IFT81: variants seen among roughly 807,000 people sequenced by gnomAD.
The protein encoded by IFT81 is intraflagellar transport 81.
Under a neutral mutation model 102.6 loss-of-function variants are expected in IFT81, and 72 were observed. The observed-to-expected ratio is 0.70, with a 90% CI of 0.58 to 0.85. The LOEUF (loss-of-function observed/expected upper bound fraction) is 0.85. IFT81 is among the 40% of genes least tolerant of loss of function. The probability of loss-of-function intolerance (pLI) is 0.00; values close to 1 mark genes in which losing one functional copy is unlikely to be tolerated. For missense variants in IFT81, 723 were observed against 787.3 expected (o/e 0.92, Z 0.98); for synonymous variants, 237 against 242.7 (o/e 0.98, Z 0.22).
chr12:110,147,671 A>G (rs1289733429), intron 10 of IFT81, among the ~76,000 whole-genome samples: 1 of 152,314 alleles, frequency 6.6e-6, no homozygotes, highest in East Asian at 1.9e-4. Flanking sequence ...ATTTTTTAAA[A>G]CCTTTATAAC....
intron 10 of IFT81, among the ~76,000 whole-genome samples, chr12:110,155,143 CTT>C (rs1447460152): frequency 6.6e-6 from 1 of 152,112 alleles, no homozygotes; most frequent in Non-Finnish European, 1.5e-5. Flanking sequence ...CTCTTGTACT[CTT>C]TGAAAATTTA....
chr12:110,129,684 G>A (rs1454781556), intron 4 of IFT81, among the ~76,000 whole-genome samples: 1 of 152,102 alleles, frequency 6.6e-6, no homozygotes, highest in East Asian at 1.9e-4. Context: ...CCAAGGTTTT[G>A]GAGTAACATT....
At chr12:110,128,611 G>A (rs551886210) in intron 3 of IFT81, among the ~76,000 whole-genome samples, 2 of 151,494 alleles carry the variant, frequency 1.3e-5, no homozygotes, top group South Asian at 2.1e-4. Context: ...GCAACATGGC[G>A]AAACGCTGCC....
At chr12:110,190,813 A>T in intron 12 of IFT81, 107 bp from the exon 13 acceptor site, 1 of 988,516 alleles carries the variant, frequency 1.0e-6, no homozygotes, top group Non-Finnish European at 1.4e-6. Flanking sequence ...ATTCTAAACT[A>T]ATTAATTCTA....
chr12:110,201,863 G>T (rs1346764072), intron 14 of IFT81, among the ~76,000 whole-genome samples: 1 of 152,092 alleles, frequency 6.6e-6, no homozygotes, highest in Non-Finnish European at 1.5e-5. Flanking sequence ...CCACTGAAAG[G>T]TCTTCAAGAG....
At chr12:110,189,713 ATT>A (rs932071009) in intron 12 of IFT81, among the ~76,000 whole-genome samples, 3 of 152,156 alleles carry the variant, frequency 2.0e-5, no homozygotes, top group Admixed American at 2.0e-4. Context: ...TATATTTCAA[ATT>A]TTTAACATGT....
At position 110,136,806 on chromosome 12, in the gene IFT81, G is replaced by A. The variant is rs1308895390; in HGVS notation, c.727G>A (p.Val243Ile). ...LFHAVQRLQR[V>I]QNQLKSMRQA... is the part of the protein sequence containing the mutation. ...TCATGCAGTGCAAAGATTGCAAAGAGTACAAAACCAGCTGAAAAGCATGCG... is the reference window on the plus strand; with the variant it reads ...TCATGCAGTGCAAAGATTGCAAAGAATACAAAACCAGCTGAAAAGCATGCG... Residue 243 changes from valine (V) to isoleucine (I), a missense_variant, in exon 8 of 19, where the codon GTA (valine) becomes ATA (isoleucine). Physicochemically the swap from Val to Ile is conservative, Grantham distance 29 (BLOSUM62 3). Transcript: ENST00000242591. The A allele has an allele frequency of 6.2e-7, 1 of 1,612,798 alleles. No homozygotes were observed. The highest frequency in any genetic ancestry group is 8.5e-7 in the Non-Finnish European group (1 of 1,179,078).
chr12:110,147,322 A>G (rs1299666122), intron 10 of IFT81, among the ~76,000 whole-genome samples: 1 of 152,198 alleles, frequency 6.6e-6, no homozygotes, highest in Non-Finnish European at 1.5e-5. Flanking sequence ...TGACTGTGGA[A>G]TTTATTTTTA....
intron 11 of IFT81, among the ~76,000 whole-genome samples, chr12:110,171,635 G>C (rs1896734377): frequency 6.6e-6 from 1 of 152,158 alleles, no homozygotes; most frequent in African/African-American, 2.4e-5. Context: ...TATTTATGTG[G>C]GACTAGTTAT....
chr12:110,137,460 G>A (rs551801336), intron 8 of IFT81, among the ~76,000 whole-genome samples: 19 of 152,034 alleles, frequency 1.2e-4, no homozygotes, highest in Non-Finnish European at 2.5e-4. Context: ...ATGGCTGGGC[G>A]TGGTAGCTCA....
chr12:110,172,294 C>A (rs1003322735), intron 11 of IFT81, among the ~76,000 whole-genome samples: 3 of 151,762 alleles, frequency 2.0e-5, no homozygotes, highest in Non-Finnish European at 4.4e-5. Flanking sequence ...GCCTCTGCCT[C>A]TGCCTCTGCC....
At position 110,167,495 on chromosome 12, in the gene IFT81, T is replaced by C. The variant is rs115032797; in HGVS notation, c.1188+4430T>C. 5.6e-3 allele frequency among the ~76,000 whole-genome samples: 849 copies of C among 152,322 alleles called. 12 individuals carry two copies. The highest frequency in any genetic ancestry group is 0.02 in the African/African-American group (820 of 41,582). On this transcript the variant is annotated intron_variant, in intron 11 of 18. Transcript: ENST00000242591. ...TAAATGACTACATTTAGTTTAGAGA[T>C]TACACCCTGCTAACATAACTGAAAA... is the stretch of plus-strand genomic sequence containing the variant.
chr12:110,185,819 C>G (rs763154428), intron 12 of IFT81, among the ~76,000 whole-genome samples: 1 of 151,860 alleles, frequency 6.6e-6, no homozygotes, highest in African/African-American at 2.4e-5. Context: ...AGGCTGGCCT[C>G]AAACTCAGGG....
At position 110,169,806 on chromosome 12, in the gene IFT81, G is replaced by A. The variant is rs532272267; in HGVS notation, c.1188+6741G>A. ...TTGAACTCCTGACCTCAAGTGATCC[G>A]CCCACCTCGGCTTCCCAAAGTGCTG... On this transcript the variant is annotated intron_variant, in intron 11 of 18. Transcript: ENST00000242591. Among the ~76,000 whole-genome samples the A allele has an allele frequency of 9.9e-5, 15 of 151,782 alleles. No individual in the cohort carries two copies. The East Asian group carries it at 1.6e-3, about 16-fold the overall frequency.
At chr12:110,201,072 C>A (rs1186428144) in intron 14 of IFT81, among the ~76,000 whole-genome samples, 1 of 151,774 alleles carries the variant, frequency 6.6e-6, no homozygotes, top group Non-Finnish European at 1.5e-5. Context: ...TATTTTATTT[C>A]TTTATATCCT....
chr12:110,202,661 G>A (rs575088035), intron 14 of IFT81, among the ~76,000 whole-genome samples: 2 of 148,542 alleles, frequency 1.3e-5, no homozygotes, highest in Admixed American at 6.8e-5. Flanking sequence ...TACCATGTTG[G>A]CCAGGATGGT....
At chr12:110,189,113 A>G (rs561583109) in intron 12 of IFT81, among the ~76,000 whole-genome samples, 6 of 152,080 alleles carry the variant, frequency 3.9e-5, no homozygotes, top group African/African-American at 1.4e-4. Context: ...TTTTCTTCCT[A>G]ACTAACACTC....
chr12:110,180,605 C>G (rs370512498), intron 12 of IFT81, 34 bp downstream of exon 12: 47 of 1,528,356 alleles, frequency 3.1e-5, no homozygotes, highest in Non-Finnish European at 4.0e-5. Flanking sequence ...ACTATAAATA[C>G]AAATGCCAGG....
chr12:110,184,203 A>T (rs1410249153), intron 12 of IFT81, among the ~76,000 whole-genome samples: 1 of 152,048 alleles, frequency 6.6e-6, no homozygotes, highest in Non-Finnish European at 1.5e-5. Context: ...GCAAAAAATT[A>T]TCCGGGCGTG....
Sources: gnomAD v4.1 joint callset for allele counts (sites outside exome capture counted in the v4.1 genomes callset) on GRCh38, gnomAD v4.1.1 for gene constraint, MANE v1.5 for transcripts, NCBI Gene and HGNC (gene_info 2026-07-23, HGNC 2026-07-21) for gene names.